Variants in GALNT2 observed in about 807,000 individuals in gnomAD.
The protein encoded by GALNT2 is UDP-GalNAc:polypeptide N-acetylgalactosaminyltransferase 2.
In GALNT2, 31 loss-of-function variants were observed where a neutral mutation model predicts 81.4. The ratio of observed to expected loss-of-function variants is 0.38; its 90% CI spans 0.29 to 0.51. GALNT2 has a LOEUF of 0.51. GALNT2 is among the 20% of genes least tolerant of loss of function. The probability of loss-of-function intolerance (pLI) is 0.87; values close to 1 mark genes in which losing one functional copy is unlikely to be tolerated. For synonymous variants in GALNT2, 303 were observed against 287.4 expected, an observed-to-expected ratio of 1.05 and a Z score of -0.55; for missense variants, 629 against 765.7, an observed-to-expected ratio of 0.82 and a Z score of 2.11.
chr1:230,197,150 C>T (rs746484039), intron 2 of GALNT2, among the ~76,000 whole-genome samples: 24 of 152,048 alleles, frequency 1.6e-4, no homozygotes, highest in Non-Finnish European at 2.6e-4. Flanking sequence ...TCTCCCCCTG[C>T]CTGAAACAAG....
intron 1 of GALNT2, among the ~76,000 whole-genome samples, chr1:230,109,458 A>G (rs1159934739): frequency 2.0e-5 from 3 of 152,216 alleles, no homozygotes; most frequent in Non-Finnish European, 2.9e-5. Flanking sequence ...GGGACTGGCT[A>G]ATGACCTGGA....
At chr1:230,140,295 G>A (rs934592625) in intron 1 of GALNT2, among the ~76,000 whole-genome samples, 1 of 152,218 alleles carries the variant, frequency 6.6e-6, no homozygotes, top group African/African-American at 2.4e-5. Context: ...GTCCCTGCCA[G>A]TAGTGTGTAC....
intron 6 of GALNT2, among the ~76,000 whole-genome samples, chr1:230,240,449 G>A (rs956116595): frequency 3.9e-5 from 6 of 152,208 alleles, no homozygotes; most frequent in East Asian, 1.9e-4. Flanking sequence ...AAAATTAGCC[G>A]GGCATGGTGG....
chr1:230,105,283 C>G (rs1660509584), intron 1 of GALNT2, among the ~76,000 whole-genome samples: 1 of 152,196 alleles, frequency 6.6e-6, no homozygotes, highest in Admixed American at 6.5e-5. Flanking sequence ...AAACTGAACA[C>G]CCACTGCTCT....
intron 1 of GALNT2, among the ~76,000 whole-genome samples, chr1:230,085,939 C>T (rs1659885612): frequency 1.3e-5 from 2 of 152,168 alleles, no homozygotes. Flanking sequence ...CGAGGCAATA[C>T]CTGGAGCCCA....
At chr1:230,256,289 T>C (rs1247747811) in intron 11 of GALNT2, among the ~76,000 whole-genome samples, 1 of 152,026 alleles carries the variant, frequency 6.6e-6, no homozygotes, top group East Asian at 1.9e-4. Context: ...CTACTAAAAA[T>C]ACAAAAATTA....
Position 230,198,867 on chromosome 1 carries a change from G to A in GALNT2, c.221-4270G>A, listed in dbSNP as rs189839870. Among the ~76,000 whole-genome samples, 317 of 152,038 alleles carry A rather than the reference G, an allele frequency of 2.1e-3. 1 individual carries two copies. Among genetic ancestry groups the A allele is most frequent in the African/African-American group, 7.3e-3 (302 of 41,470 alleles). On this transcript the variant is annotated intron_variant, in intron 2 of 15. Coordinates refer to ENST00000366672, the MANE Select transcript of GALNT2 (RefSeq NM_004481.5). ...ACCTTATTTAATAAGCAAACTTTTCGCAGCCCTTTTTAGGATAATGCTCTC... is the reference window on the plus strand; with the variant it reads ...ACCTTATTTAATAAGCAAACTTTTCACAGCCCTTTTTAGGATAATGCTCTC...
chr1:230,211,789 T>C (rs988120185), intron 3 of GALNT2, among the ~76,000 whole-genome samples: 2 of 152,068 alleles, frequency 1.3e-5, no homozygotes, highest in African/African-American at 4.8e-5. Context: ...TAAAAAATTT[T>C]ATTTACTCTG....
chr1:230,130,879 G>T (rs574705543), intron 1 of GALNT2, among the ~76,000 whole-genome samples: 2 of 152,276 alleles, frequency 1.3e-5, no homozygotes, highest in South Asian at 4.1e-4. Context: ...AAATGGGAAA[G>T]CACTGGGAGG....
chr1:230,136,530 C>A (rs1456285178), intron 1 of GALNT2, among the ~76,000 whole-genome samples: 1 of 152,180 alleles, frequency 6.6e-6, no homozygotes, highest in Non-Finnish European at 1.5e-5. Flanking sequence ...CCCTCACTGC[C>A]CCCCATCCAG....
At chr1:230,064,552 G>A (rs745423856), upstream of GALNT2, among the ~76,000 whole-genome samples, 15 of 152,194 alleles carry the variant, frequency 9.9e-5, no homozygotes, top group Admixed American at 2.6e-4. Context: ...ATGGAGTCTC[G>A]CTCTGTCACC....
chr1:230,246,696 C>G (rs763840595), intron 8 of GALNT2, among the ~76,000 whole-genome samples: 2 of 152,168 alleles, frequency 1.3e-5, no homozygotes, highest in African/African-American at 2.4e-5. Flanking sequence ...TTGTACCCCT[C>G]TTTCCCAGCC....
intron 1 of GALNT2, among the ~76,000 whole-genome samples, chr1:230,100,937 T>G (rs1660384437): frequency 6.6e-6 from 1 of 152,202 alleles, no homozygotes; most frequent in Non-Finnish European, 1.5e-5. Flanking sequence ...ATCACAGTGG[T>G]CCCGTAAGAT....
At chr1:230,227,863 G>T (rs947246701) in intron 3 of GALNT2, among the ~76,000 whole-genome samples, 13 of 152,148 alleles carry the variant, frequency 8.5e-5, no homozygotes, top group African/African-American at 2.9e-4. Context: ...ATTGTATATT[G>T]TGTTGCAGGC....
chr1:230,188,455 A>C (rs1029091535), intron 2 of GALNT2, among the ~76,000 whole-genome samples: 1 of 152,220 alleles, frequency 6.6e-6, no homozygotes, highest in African/African-American at 2.4e-5. Flanking sequence ...CTGTGCCACC[A>C]GTCCTGTGGC....
chr1:230,069,256 AGTTT>A (rs1558268284), intron 1 of GALNT2, among the ~76,000 whole-genome samples: 1 of 137,748 alleles, frequency 7.3e-6, no homozygotes, highest in Admixed American at 6.8e-5. Flanking sequence ...TGTGATTCTT[AGTTT>A]GTTTTTTTTT....
intron 2 of GALNT2, among the ~76,000 whole-genome samples, chr1:230,195,485 C>T (rs1237441989): frequency 1.3e-5 from 2 of 151,906 alleles, no homozygotes; most frequent in African/African-American, 2.4e-5. Context: ...GCTAGGGACC[C>T]CAGGGAGGGC....
intron 6 of GALNT2, among the ~76,000 whole-genome samples, chr1:230,239,210 T>C (rs1665122864): frequency 1.3e-5 from 2 of 152,264 alleles, no homozygotes; most frequent in African/African-American, 4.8e-5. Context: ...CTGTCTGCTG[T>C]TCATCGACGC....
chr1:230,068,122 A>G (rs1659259139), intron 1 of GALNT2, among the ~76,000 whole-genome samples: 1 of 152,080 alleles, frequency 6.6e-6, no homozygotes. Context: ...CTGCGCTTGC[A>G]TTTTCCATCC....
Sources: allele counts gnomAD v4.1 joint callset (sites outside exome capture counted in the v4.1 genomes callset), GRCh38; gene constraint gnomAD v4.1.1; transcripts MANE v1.5; gene names NCBI Gene and HGNC (gene_info 2026-07-23, HGNC 2026-07-21).